The following RIMS2 variants were observed in gnomAD, a reference collection of about 807,000 sequenced individuals.
The protein encoded by RIMS2 is regulating synaptic membrane exocytosis 2, also known as regulating synaptic membrane exocytosis protein 2.
In RIMS2, 59 loss-of-function variants were observed where a neutral mutation model predicts 174.4. The ratio of observed to expected loss-of-function variants is 0.34; its 90% CI spans 0.27 to 0.42. The LOEUF (loss-of-function observed/expected upper bound fraction) is 0.42, where lower values mean the gene tolerates loss of function less well. Ranked by LOEUF, RIMS2 falls within the 10% of genes least tolerant of loss-of-function variation. The pLI is 1.00. For missense variants in RIMS2, 1,620 were observed against 1,666.3 expected, an observed-to-expected ratio of 0.97 and a Z score of 0.48; for synonymous variants, 606 against 572.5, an observed-to-expected ratio of 1.06 and a Z score of -0.84.
At chr8:103,929,198 T>C (rs1161903967) in intron 11 of RIMS2, among the ~76,000 whole-genome samples, 1 of 151,714 alleles carries the variant, frequency 6.6e-6, no homozygotes, top group African/African-American at 2.4e-5. Context: ...ACCAAAAATA[T>C]GAAAGCCATA....
intron 2 of RIMS2, among the ~76,000 whole-genome samples, chr8:103,724,789 A>G (rs2097505333): frequency 6.6e-6 from 1 of 152,154 alleles, no homozygotes; most frequent in Non-Finnish European, 1.5e-5. Flanking sequence ...GAATTCCCAT[A>G]TGCATTCTGG....
intron 1 of RIMS2, among the ~76,000 whole-genome samples, chr8:103,592,413 C>T (rs2094306574): frequency 6.6e-6 from 1 of 151,220 alleles, no homozygotes; most frequent in Admixed American, 6.6e-5. Flanking sequence ...AAGTAGAGCA[C>T]TCATCCCAAT....
intron 19 of RIMS2, among the ~76,000 whole-genome samples, chr8:104,042,777 G>A (rs2096630274): frequency 6.6e-6 from 1 of 151,562 alleles, no homozygotes. Context: ...GAGGTGATTG[G>A]TGGTCTGGAA....
intron 1 of RIMS2, among the ~76,000 whole-genome samples, chr8:103,516,772 G>A (rs1292508533): frequency 6.6e-6 from 1 of 151,968 alleles, no homozygotes; most frequent in African/African-American, 2.4e-5. Flanking sequence ...ACCCAATTGG[G>A]ACAAAAGTAA....
At chr8:103,849,081 A>T (rs566340657) in intron 3 of RIMS2, among the ~76,000 whole-genome samples, 1 of 152,214 alleles carries the variant, frequency 6.6e-6, no homozygotes, top group East Asian at 1.9e-4. Context: ...AATGATAGAG[A>T]TACCACATAA....
At chr8:104,094,845 T>G in intron 19 of RIMS2, 1 of 569,862 alleles carries the variant, frequency 1.8e-6, no homozygotes, top group Non-Finnish European at 3.1e-6. Context: ...TCTATTTAGC[T>G]TCTAATATTA....
In RIMS2 at chr8:104,222,442, G is replaced by T. The variant is rs531641858; in HGVS notation, c.3335-22474G>T. ...TTAGATTGCATAATTTACATTTTAC[G>T]TTGAAATCCCCTATTACACACGCCC... On this transcript the variant is annotated intron_variant, in intron 19 of 23. Transcript: ENST00000504942. Among the ~76,000 whole-genome samples, 476 of 152,178 alleles carry T rather than the reference G, an allele frequency of 3.1e-3. 2 individuals carry two copies. The highest frequency in any genetic ancestry group is 5.4e-3 in the Non-Finnish European group (370 of 68,020).
At position 103,915,597 on chromosome 8, in the gene RIMS2, AG is replaced by A; in HGVS notation, c.1912+6del. ...TACTGTAGGACATCTTAGACCAGGT[AG>A]GGTTTTACCTTTGATTATTTACATT... On this transcript the variant is annotated splice_donor_region_variant and intron_variant, in intron 7 of 23. Coordinates refer to ENST00000504942, the Ensembl canonical transcript of RIMS2. 1 of 1,501,746 alleles carries A rather than the reference AG, an allele frequency of 6.7e-7. No individual in the cohort carries two copies. Among genetic ancestry groups the A allele is most frequent in the Non-Finnish European group, 9.2e-7 (1 of 1,084,106 alleles). The allele number at this position is 1,501,746 out of a possible 1,614,324, so 93.0% of individuals were successfully genotyped here.
chr8:103,713,934 C>G (rs898437859), intron 2 of RIMS2, among the ~76,000 whole-genome samples: 1 of 152,130 alleles, frequency 6.6e-6, no homozygotes, highest in Non-Finnish European at 1.5e-5. Flanking sequence ...TTTATCCCCT[C>G]TAGATCCCAC....
chr8:103,536,704 A>G (rs1007046446), intron 1 of RIMS2, among the ~76,000 whole-genome samples: 1 of 152,172 alleles, frequency 6.6e-6, no homozygotes, highest in Non-Finnish European at 1.5e-5. Flanking sequence ...CTCACTAACC[A>G]TCATGAGAAC....
chr8:104,229,845 G>A (rs2099214455), intron 19 of RIMS2, among the ~76,000 whole-genome samples: 2 of 152,214 alleles, frequency 1.3e-5, no homozygotes, highest in African/African-American at 4.8e-5. Context: ...GGCCATGTAT[G>A]TATAAATTTA....
intron 19 of RIMS2, among the ~76,000 whole-genome samples, chr8:104,052,400 G>C (rs1303356663): frequency 1.3e-5 from 2 of 152,010 alleles, no homozygotes; most frequent in African/African-American, 2.4e-5. Flanking sequence ...CCCAAGATAG[G>C]GGTCCACAGG....
chr8:103,730,538 C>A (rs891598218), intron 2 of RIMS2, among the ~76,000 whole-genome samples: 6 of 152,072 alleles, frequency 3.9e-5, no homozygotes, highest in Non-Finnish European at 5.9e-5. Flanking sequence ...ATTATACTGT[C>A]TTTGTCTAGA....
intron 1 of RIMS2, among the ~76,000 whole-genome samples, chr8:103,656,174 A>T (rs2096529251): frequency 6.6e-6 from 1 of 151,872 alleles, no homozygotes; most frequent in Non-Finnish European, 1.5e-5. Context: ...ACCAAAGATG[A>T]CTCCTGGGTT....
intron 19 of RIMS2, among the ~76,000 whole-genome samples, chr8:104,238,787 A>AT (rs1404462993): frequency 6.6e-6 from 1 of 152,192 alleles, no homozygotes; most frequent in Admixed American, 6.5e-5. Context: ...ATTGTAATGC[A>AT]TTTTTTAATA....
chr8:103,695,536 A>G (rs1003723282), intron 1 of RIMS2, among the ~76,000 whole-genome samples: 1 of 152,024 alleles, frequency 6.6e-6, no homozygotes, highest in African/African-American at 2.4e-5. Context: ...AAGGAGTATC[A>G]TACTCTTTCT....
intron 14 of RIMS2, among the ~76,000 whole-genome samples, chr8:103,952,285 G>T (rs1042592528): frequency 6.6e-6 from 1 of 152,184 alleles, no homozygotes; most frequent in Non-Finnish European, 1.5e-5. Flanking sequence ...CTCCTCAAGT[G>T]GGTCCCTGAC....
At chr8:103,738,698 C>G (rs889069128) in intron 2 of RIMS2, among the ~76,000 whole-genome samples, 3 of 151,970 alleles carry the variant, frequency 2.0e-5, no homozygotes, top group African/African-American at 7.3e-5. Flanking sequence ...AAAAAACAAC[C>G]CCATCAAAAA....
rs1022019123 is a variant in RIMS2 at position 103,795,635 on chromosome 8, A to T, written c.698+29098A>T. Among the ~76,000 whole-genome samples, 3 of 152,080 alleles carry T rather than the reference A, an allele frequency of 2.0e-5. No homozygotes were observed. In the South Asian group the frequency reaches 6.2e-4, roughly 32 times the overall value. ...AAAAAAAGAGGATAAGCCTGTATTT[A>T]TCGTTTTTCCCACCAGATGGCGAAC... On this transcript the variant is annotated intron_variant, in intron 3 of 23. Coordinates refer to ENST00000504942, the Ensembl canonical transcript of RIMS2.
Sources: allele counts gnomAD v4.1 joint callset (sites outside exome capture counted in the v4.1 genomes callset), GRCh38; gene constraint gnomAD v4.1.1; transcripts MANE v1.5; gene names NCBI Gene and HGNC (gene_info 2026-07-23, HGNC 2026-07-21).